DNM3: variants seen among roughly 807,000 people sequenced by gnomAD.
DNM3 encodes dynamin-3.
Under a neutral mutation model 101.6 loss-of-function variants are expected in DNM3, and 47 were observed. The ratio of observed to expected loss-of-function variants is 0.46; its 90% CI spans 0.37 to 0.59. The LOEUF is 0.59. Among genes scored for constraint, DNM3 ranks in the 20% least tolerant of loss-of-function variants. The pLI, the probability that DNM3 is intolerant of heterozygous loss-of-function variation, is 0.00. For missense variants in DNM3, 849 were observed against 1,085.7 expected (o/e 0.78, Z 3.06); for synonymous variants, 385 against 387.9 (o/e 0.99, Z 0.09).
intron 14 of DNM3, among the ~76,000 whole-genome samples, chr1:172,244,399 G>C (rs371631412): frequency 4.0e-4 from 60 of 151,396 alleles, no homozygotes; most frequent in African/African-American, 1.0e-3. Context: ...AAAGAAACTA[G>C]CATCAGAGTG....
At chr1:172,283,559 A>C (rs553589505) in intron 15 of DNM3, among the ~76,000 whole-genome samples, 1 of 152,072 alleles carries the variant, frequency 6.6e-6, no homozygotes, top group African/African-American at 2.4e-5. Context: ...CAAGAGATCA[A>C]GACCATCCTG....
intron 15 of DNM3, among the ~76,000 whole-genome samples, chr1:172,291,716 A>G (rs1200859527): frequency 6.6e-6 from 1 of 152,166 alleles, no homozygotes; most frequent in Non-Finnish European, 1.5e-5. Context: ...CTGGGTACCC[A>G]TTTGATAGTT....
At position 172,407,997 on chromosome 1, in the gene DNM3, A is replaced by G. The variant is rs866164679; in HGVS notation, c.*156A>G. 3.2e-5 allele frequency: 47 copies of G among 1,489,980 alleles called. No homozygotes were observed. In the Middle Eastern group the frequency reaches 4.7e-3, roughly 148 times the overall value. The allele number at this position is 1,489,980 out of a possible 1,614,324, so 92.3% of individuals were successfully genotyped here. On this transcript the variant is annotated 3_prime_UTR_variant, in exon 21 of 21. Coordinates refer to ENST00000627582, the MANE Select transcript of DNM3 (RefSeq NM_015569.5). ...CATTCATCGCTCATCTTCATTGCTC[A>G]TGGTATGTCAAACCTTTGGGGTTTG... is the stretch of plus-strand genomic sequence containing the variant.
At chr1:171,910,003 T>C (rs184425828) in intron 1 of DNM3, among the ~76,000 whole-genome samples, 26 of 152,344 alleles carry the variant, frequency 1.7e-4, no homozygotes, top group Non-Finnish European at 2.9e-4. Flanking sequence ...ACACTGCGGT[T>C]GGAATGTGTG....
chr1:171,927,751 A>G (rs1183473759), intron 2 of DNM3, among the ~76,000 whole-genome samples: 1 of 152,198 alleles, frequency 6.6e-6, no homozygotes, highest in African/African-American at 2.4e-5. Flanking sequence ...CCGTTATTGT[A>G]ATTCTTAGTT....
intron 2 of DNM3, 112 bp downstream of exon 2, chr1:171,921,933 G>A: frequency 1.2e-6 from 1 of 829,980 alleles, no homozygotes; most frequent in South Asian, 1.8e-5. Context: ...CCCACTGTGG[G>A]CAGCTGCCCA....
chr1:172,268,493 G>A (rs2062959086), intron 15 of DNM3, among the ~76,000 whole-genome samples: 2 of 152,036 alleles, frequency 1.3e-5, no homozygotes, highest in African/African-American at 4.8e-5. Flanking sequence ...TTGTGAAATA[G>A]CATCATTAGG....
chr1:172,269,655 T>C (rs1448407563), intron 15 of DNM3, among the ~76,000 whole-genome samples: 1 of 152,234 alleles, frequency 6.6e-6, no homozygotes, highest in Non-Finnish European at 1.5e-5. Context: ...ATTATCTGTC[T>C]TGTTTCAGGC....
At chr1:171,981,419 A>G (rs1275838680) in intron 2 of DNM3, among the ~76,000 whole-genome samples, 2 of 152,246 alleles carry the variant, frequency 1.3e-5, no homozygotes, top group Non-Finnish European at 2.9e-5. Context: ...ATTAATTAAG[A>G]CATATACATA....
At chr1:172,117,388 G>C (rs1237124900) in intron 13 of DNM3, among the ~76,000 whole-genome samples, 1 of 152,112 alleles carries the variant, frequency 6.6e-6, no homozygotes, top group Non-Finnish European at 1.5e-5. Flanking sequence ...CCCACGTGTG[G>C]TGGGAGGGAC....
At chr1:172,323,103 A>G (rs898376962) in intron 16 of DNM3, among the ~76,000 whole-genome samples, 1 of 152,080 alleles carries the variant, frequency 6.6e-6, no homozygotes, top group Non-Finnish European at 1.5e-5. Context: ...ATTTCATGTA[A>G]CCTATGTGGA....
intron 14 of DNM3, among the ~76,000 whole-genome samples, chr1:172,164,223 T>G (rs1419087063): frequency 1.0e-4 from 11 of 108,048 alleles, no homozygotes; most frequent in Non-Finnish European, 9.1e-5. Flanking sequence ...CTCTATTTTC[T>G]TTTCTTTTCT....
At chr1:172,088,526 G>A (rs150265694) in intron 12 of DNM3, among the ~76,000 whole-genome samples, 79 of 151,970 alleles carry the variant, frequency 5.2e-4, no homozygotes, top group Middle Eastern at 3.4e-3. Context: ...TGGCCCCAAC[G>A]TACAGTTATT....
intron 2 of DNM3, among the ~76,000 whole-genome samples, chr1:171,950,118 A>G (rs2042421703): frequency 6.6e-6 from 1 of 151,756 alleles, no homozygotes; most frequent in African/African-American, 2.4e-5. Flanking sequence ...ACATTCATAC[A>G]ATGGAATACA....
chr1:171,928,733 TGCCAA>T (rs2040773898), intron 2 of DNM3, among the ~76,000 whole-genome samples: 1 of 152,156 alleles, frequency 6.6e-6, no homozygotes, highest in South Asian at 2.1e-4. Flanking sequence ...TCCAGGGAAT[TGCCAA>T]GCTGCTACTG....
intron 15 of DNM3, among the ~76,000 whole-genome samples, chr1:172,300,851 A>G (rs1478272946): frequency 6.6e-6 from 1 of 152,242 alleles, no homozygotes; most frequent in Non-Finnish European, 1.5e-5. Context: ...CAGGTGATAA[A>G]GAGTGAAAGG....
At chr1:172,291,833 G>A (rs1431907327) in intron 15 of DNM3, among the ~76,000 whole-genome samples, 1 of 152,116 alleles carries the variant, frequency 6.6e-6, no homozygotes, top group Non-Finnish European at 1.5e-5. Context: ...AATTTGACTG[G>A]AGTTTTAATA....
chr1:171,986,534 C>T lies in DNM3; in HGVS notation c.236-1122C>T, dbSNP rs548704709. On this transcript the variant is annotated intron_variant, in intron 2 of 20. Coordinates refer to ENST00000627582, the MANE Select transcript of DNM3 (RefSeq NM_015569.5). ...GCCCGTGGGAGATCAGCCACAATAG[C>T]TCTCTTGCTATTGACCTTGCCATTT... 3.0e-3 allele frequency among the ~76,000 whole-genome samples: 451 copies of T among 152,184 alleles called. 5 individuals are homozygous for T. The highest frequency in any genetic ancestry group is 0.01 in the African/African-American group (433 of 41,512).
rs116322325 is a variant in DNM3 at position 172,180,148 on chromosome 1, A to G, written c.1659+48860A>G. Among the ~76,000 whole-genome samples the G allele has an allele frequency of 3.7e-3, 567 of 152,228 alleles. 9 individuals carry two copies. The highest frequency in any genetic ancestry group is 0.013 in the African/African-American group (541 of 41,562). The stretch of plus-strand genomic sequence containing the variant: ...GAACAAATCTAGTCTATGTGGATAT[A>G]CTATCATGATTCAGTTAGGTCTCAA... On this transcript the variant is annotated intron_variant, in intron 14 of 20. Transcript: ENST00000627582.
Sources: allele counts gnomAD v4.1 joint callset (sites outside exome capture counted in the v4.1 genomes callset), GRCh38; gene constraint gnomAD v4.1.1; transcripts MANE v1.5; gene names NCBI Gene and HGNC (gene_info 2026-07-23, HGNC 2026-07-21).